Variants in AGBL4 observed in about 807,000 individuals in gnomAD.
AGBL4 encodes AGBL carboxypeptidase 4.
AGBL4 carries 58 observed loss-of-function variants against 66.4 expected under a neutral mutation model. The observed-to-expected ratio is 0.87, with a 90% CI of 0.71 to 1.09. The LOEUF (loss-of-function observed/expected upper bound fraction) is 1.09, where lower values mean the gene tolerates loss of function less well. Ranked by LOEUF, AGBL4 falls within the 50% of genes least tolerant of loss-of-function variation. AGBL4 has a pLI of 0.00. For synonymous variants in AGBL4, 234 were observed against 222.9 expected (o/e 1.05, Z -0.44); for missense variants, 579 against 631.0 (o/e 0.92, Z 0.88).
chr1:49,901,570 C>T (rs1035636472), intron 1 of AGBL4, among the ~76,000 whole-genome samples: 3 of 152,126 alleles, frequency 2.0e-5, no homozygotes, highest in African/African-American at 4.8e-5. Context: ...ACATTCCATG[C>T]TCATGGAAAG....
chr1:49,782,519 T>C (rs1015685433), intron 2 of AGBL4, among the ~76,000 whole-genome samples: 1 of 152,176 alleles, frequency 6.6e-6, no homozygotes, highest in Non-Finnish European at 1.5e-5. Flanking sequence ...CCATGTGATG[T>C]ACTAGGAGGT....
intron 1 of AGBL4, chr1:49,995,436 A>G: frequency 2.6e-6 from 1 of 379,140 alleles, no homozygotes; most frequent in Non-Finnish European, 5.3e-6. Context: ...CCCCCTGAGA[A>G]CACAACTCCA....
intron 1 of AGBL4, among the ~76,000 whole-genome samples, chr1:50,006,431 T>C (rs1015326625): frequency 6.6e-6 from 1 of 150,654 alleles, no homozygotes; most frequent in Non-Finnish European, 1.5e-5. Context: ...GAGAAAGATA[T>C]CAATATTCAA....
At chr1:49,682,723 T>C (rs1646719020) in intron 3 of AGBL4, among the ~76,000 whole-genome samples, 1 of 152,226 alleles carries the variant, frequency 6.6e-6, no homozygotes, top group African/African-American at 2.4e-5. Context: ...TTTAATCTTT[T>C]GATGTCACCA....
intron 2 of AGBL4, among the ~76,000 whole-genome samples, chr1:49,821,496 T>A (rs1645369427): frequency 6.6e-6 from 1 of 152,178 alleles, no homozygotes; most frequent in Non-Finnish European, 1.5e-5. Flanking sequence ...CTTAACTACC[T>A]AAAAGTCCTA....
chr1:49,266,951 AG>A (rs1643934872), intron 3 of AGBL4, among the ~76,000 whole-genome samples: 1 of 152,228 alleles, frequency 6.6e-6, no homozygotes. Context: ...TGACTGTTCC[AG>A]GGTTTATACT....
At chr1:50,021,235 C>A (rs575744600) in intron 1 of AGBL4, among the ~76,000 whole-genome samples, 2 of 152,190 alleles carry the variant, frequency 1.3e-5, no homozygotes, top group South Asian at 4.1e-4. Flanking sequence ...CCTTCTCAGT[C>A]TCTTTGGAAG....
chr1:49,699,422 T>A (rs561007388), intron 2 of AGBL4, among the ~76,000 whole-genome samples: 1 of 152,138 alleles, frequency 6.6e-6, no homozygotes, highest in South Asian at 2.1e-4. Context: ...AATGCCTCCA[T>A]ATCACCTGGT....
At chr1:49,306,496 T>A (rs990138737) in intron 3 of AGBL4, among the ~76,000 whole-genome samples, 6 of 152,218 alleles carry the variant, frequency 3.9e-5, no homozygotes, top group African/African-American at 1.4e-4. Flanking sequence ...ACTAGTTACT[T>A]GCATGTGAAC....
Position 48,668,129 on chromosome 1 carries a change from T to A in AGBL4, c.635-4888A>T, listed in dbSNP as rs371576326. On this transcript the variant is annotated intron_variant, in intron 6 of 13. Coordinates refer to ENST00000371839, the MANE Select transcript of AGBL4 (RefSeq NM_032785.4). ...ACTATGGGTTTCTAAACCAGACAAGTTTCAGCCTTTTCTCCAGTACTCCAG... is the reference window on the plus strand; with the variant it reads ...ACTATGGGTTTCTAAACCAGACAAGATTCAGCCTTTTCTCCAGTACTCCAG... 9.7e-4 allele frequency among the ~76,000 whole-genome samples: 148 copies of A among 152,190 alleles called. 2 individuals are homozygous for A. Among genetic ancestry groups the A allele is most frequent in the African/African-American group, 3.1e-3 (130 of 41,514 alleles).
chr1:48,720,173 G>A (rs545655323), intron 6 of AGBL4, among the ~76,000 whole-genome samples: 13 of 152,284 alleles, frequency 8.5e-5, no homozygotes, highest in Admixed American at 1.3e-4. Context: ...TCAACACAGG[G>A]TGGTCCCTAC....
intron 1 of AGBL4, among the ~76,000 whole-genome samples, chr1:49,984,957 G>C (rs1659373774): frequency 6.6e-6 from 1 of 152,186 alleles, no homozygotes. Context: ...CACCAAGATA[G>C]AGAAAGAGAA....
intron 2 of AGBL4, among the ~76,000 whole-genome samples, chr1:49,764,751 T>G (rs1273885305): frequency 6.6e-6 from 1 of 152,024 alleles, no homozygotes; most frequent in Non-Finnish European, 1.5e-5. Context: ...TATTGCCACA[T>G]CAGAGAACAG....
chr1:49,920,496 A>T (rs1327587968), intron 1 of AGBL4, among the ~76,000 whole-genome samples: 1 of 152,232 alleles, frequency 6.6e-6, no homozygotes, highest in Non-Finnish European at 1.5e-5. Context: ...AAAAATGCTC[A>T]TCATCACTGG....
chr1:49,818,981 T>TA (rs1645299036), intron 2 of AGBL4, among the ~76,000 whole-genome samples: 6 of 152,182 alleles, frequency 3.9e-5, no homozygotes, highest in Admixed American at 3.9e-4. Context: ...ATCCCAGCTC[T>TA]ATCATTTACT....
intron 4 of AGBL4, among the ~76,000 whole-genome samples, chr1:49,115,926 A>C (rs1645510318): frequency 6.6e-6 from 1 of 152,178 alleles, no homozygotes; most frequent in Non-Finnish European, 1.5e-5. Flanking sequence ...ATTTGAAGAA[A>C]TGCTGTATCT....
At chr1:49,223,116 G>A (rs1649628966) in intron 4 of AGBL4, among the ~76,000 whole-genome samples, 1 of 152,130 alleles carries the variant, frequency 6.6e-6, no homozygotes, top group Admixed American at 6.5e-5. Flanking sequence ...TAAGACCTGG[G>A]CCTTCAGACT....
At chr1:49,308,668 T>A (rs1644892126) in intron 3 of AGBL4, among the ~76,000 whole-genome samples, 1 of 152,156 alleles carries the variant, frequency 6.6e-6, no homozygotes, top group African/African-American at 2.4e-5. Context: ...ACATTTATAT[T>A]TAAAGCCTAA....
intron 9 of AGBL4, among the ~76,000 whole-genome samples, chr1:48,598,796 C>T (rs1402123681): frequency 2.0e-5 from 3 of 151,948 alleles, no homozygotes; most frequent in African/African-American, 7.2e-5. Context: ...TATTTTAAAA[C>T]ATTTTAGTTC....
Sources: allele counts gnomAD v4.1 joint callset (sites outside exome capture counted in the v4.1 genomes callset), GRCh38; gene constraint gnomAD v4.1.1; transcripts MANE v1.5; gene names NCBI Gene and HGNC (gene_info 2026-07-23, HGNC 2026-07-21).